Variants in GLI3 observed in about 807,000 individuals in gnomAD.
GLI3 encodes the protein transcription activator GLI3.
A neutral mutation model predicts 100.8 loss-of-function variants in GLI3; 20 were observed. That is an observed-to-expected ratio of 0.20 (90% CI 0.14 to 0.29). The LOEUF (loss-of-function observed/expected upper bound fraction) is 0.29, where lower values mean the gene tolerates loss of function less well. GLI3 is among the 10% of genes least tolerant of loss of function. The pLI is 1.00. For missense variants in GLI3, 2,040 were observed against 2,128.5 expected (o/e 0.96, Z 0.82); for synonymous variants, 938 against 860.5 (o/e 1.09, Z -1.58).
At chr7:42,240,336 T>C (rs1788911981), upstream of GLI3, among the ~76,000 whole-genome samples, 1 of 152,218 alleles carries the variant, frequency 6.6e-6, no homozygotes, top group South Asian at 2.1e-4. Flanking sequence ...TAGGAGATAC[T>C]TGAAGATACT....
chr7:42,026,226 G>C lies in GLI3; in HGVS notation c.1215C>G (p.Val405=). Residue 405 remains valine (V), a synonymous_variant, in exon 8 of 15, where the codon GTC becomes GTG. Transcript: ENST00000395925. The part of the protein sequence containing the change: ...GIPTVLNPVQ[V]SSGPSESSQN... ...GTGAGGACTCAGAAGGGCCGGAGCT[G>C]ACCTGGACGGGGTTCAGAACCGTAG... 5 of 1,613,586 alleles carry C rather than the reference G, an allele frequency of 3.1e-6. No individual in the cohort carries two copies. Among genetic ancestry groups the C allele is most frequent in the Non-Finnish European group, 4.2e-6 (5 of 1,179,738 alleles).
intron 1 of GLI3, among the ~76,000 whole-genome samples, chr7:42,232,947 G>A (rs1370313557): frequency 1.3e-5 from 2 of 152,124 alleles, no homozygotes; most frequent in African/African-American, 2.4e-5. Context: ...GAGTAGTGAA[G>A]AAATTTGGCA....
chr7:42,009,118 T>C (rs1408840578), intron 10 of GLI3, among the ~76,000 whole-genome samples: 1 of 152,190 alleles, frequency 6.6e-6, no homozygotes, highest in African/African-American at 2.4e-5. Context: ...ACCCAACAAC[T>C]ACATCTCCTA....
At chr7:42,117,146 T>C (rs961340493) in intron 3 of GLI3, among the ~76,000 whole-genome samples, 4 of 152,194 alleles carry the variant, frequency 2.6e-5, no homozygotes, top group Non-Finnish European at 5.9e-5. Flanking sequence ...CAAAAATTAC[T>C]ATGTCAAGGA....
At chr7:42,129,710 C>T (rs901480132) in intron 3 of GLI3, among the ~76,000 whole-genome samples, 1 of 152,096 alleles carries the variant, frequency 6.6e-6, no homozygotes, top group African/African-American at 2.4e-5. Flanking sequence ...ACTAGGGAGG[C>T]TGAGGCAGAG....
rs1440361876 is a variant in GLI3, at chr7:41,964,610, G to T, written c.4463C>A (p.Thr1488Lys). Residue 1488 changes from threonine to lysine, a missense_variant, in exon 15 of 15, where the codon ACA becomes AAA. Coordinates refer to ENST00000395925, the MANE Select transcript of GLI3 (RefSeq NM_000168.6). ...ELLSPGANQV[T>K]STVDSLDSHD... ...GCTGTCGAGGCTGTCCACTGTGCTT[G>T]TCACCTGATTAGCACCTGGGGAAAG... 6.2e-7 allele frequency: 1 copy of T among 1,613,740 alleles called. No individual in the cohort carries two copies. Among genetic ancestry groups the T allele is most frequent in the Non-Finnish European group, 8.5e-7 (1 of 1,179,576 alleles).
chr7:42,231,918 G>C (rs1164289548), intron 1 of GLI3, among the ~76,000 whole-genome samples: 1 of 151,144 alleles, frequency 6.6e-6, no homozygotes, highest in Non-Finnish European at 1.5e-5. Flanking sequence ...AAAAGTTAAA[G>C]TAGCAAAAGT....
At chr7:42,189,408 A>G (rs1018834320) in intron 2 of GLI3, among the ~76,000 whole-genome samples, 2 of 152,230 alleles carry the variant, frequency 1.3e-5, no homozygotes, top group African/African-American at 4.8e-5. Context: ...AAGGTGAATG[A>G]CTTCATCAAT....
chr7:41,969,119 G>A (rs867214165), intron 13 of GLI3, among the ~76,000 whole-genome samples: 1 of 152,128 alleles, frequency 6.6e-6, no homozygotes, highest in African/African-American at 2.4e-5. Context: ...AAGTTCCAGC[G>A]GTGTCCTGGT....
intron 1 of GLI3, among the ~76,000 whole-genome samples, chr7:42,262,837 A>T (rs988593144): frequency 6.6e-6 from 1 of 152,140 alleles, no homozygotes; most frequent in Non-Finnish European, 1.5e-5. Context: ...ATTTATCTTT[A>T]TACCTAAGAG....
At chr7:42,118,643 G>A (rs984660487) in intron 3 of GLI3, among the ~76,000 whole-genome samples, 1 of 152,172 alleles carries the variant, frequency 6.6e-6, no homozygotes, top group African/African-American at 2.4e-5. Flanking sequence ...ATGTGAAGCT[G>A]TCAAATTCAG....
At chr7:42,121,126 T>C (rs556722623) in intron 3 of GLI3, among the ~76,000 whole-genome samples, 3 of 152,328 alleles carry the variant, frequency 2.0e-5, no homozygotes, top group South Asian at 4.1e-4. Context: ...CCTCTTCGAC[T>C]TGAATCACAC....
At chr7:42,067,655 C>G (rs557033621) in intron 4 of GLI3, among the ~76,000 whole-genome samples, 129 of 152,282 alleles carry the variant, frequency 8.5e-4, no homozygotes, top group African/African-American at 3.0e-3. Context: ...GTTAACCTAA[C>G]TCCCTTAGGC....
chr7:42,004,913 G>A lies in GLI3; in HGVS notation c.1497+18555C>T, dbSNP rs532762519. On this transcript the variant is annotated intron_variant, in intron 10 of 14. Coordinates refer to ENST00000395925, the MANE Select transcript of GLI3 (RefSeq NM_000168.6). ...TTCATCTGTTTAACTCAGTTATTTG[G>A]TTTTAAAAATTATATCTGAAAGGAA... is the stretch of plus-strand genomic sequence containing the variant. Among the ~76,000 whole-genome samples, 8 of 152,194 alleles carry A rather than the reference G, an allele frequency of 5.3e-5. No individual in the cohort carries two copies. The South Asian group carries it at 1.5e-3, about 28-fold the overall frequency.
Position 42,065,203 on chromosome 7 carries a change from T to G in GLI3, c.473+11549A>C, listed in dbSNP as rs1190239884. ...ATATTTTATTTATAATTTATTAAAA[T>G]TATTATTTTAATATTAATTAAATAT... On this transcript the variant is annotated intron_variant, in intron 4 of 14. Transcript: ENST00000395925. Among the ~76,000 whole-genome samples, 8 of 148,394 alleles carry G rather than the reference T, an allele frequency of 5.4e-5. No individual in the cohort carries two copies. The East Asian group carries it at 1.6e-3, about 29-fold the overall frequency.
intron 10 of GLI3, among the ~76,000 whole-genome samples, chr7:42,006,628 T>C (rs1788467584): frequency 6.6e-6 from 1 of 152,176 alleles, no homozygotes; most frequent in South Asian, 2.1e-4. Flanking sequence ...TGACAAGGAC[T>C]ACAACTCCTA....
intron 1 of GLI3, among the ~76,000 whole-genome samples, chr7:42,228,525 T>C (rs1311640263): frequency 6.6e-6 from 1 of 152,064 alleles, no homozygotes; most frequent in Non-Finnish European, 1.5e-5. Flanking sequence ...ATTTGCAAAC[T>C]CTACAGTTGG....
At chr7:42,234,263 C>T (rs892226936) in intron 1 of GLI3, among the ~76,000 whole-genome samples, 10 of 152,020 alleles carry the variant, frequency 6.6e-5, no homozygotes, top group African/African-American at 2.2e-4. Context: ...TTCATAAGCT[C>T]CCAAACTCTA....
chr7:42,156,165 A>T (rs2128791045), intron 2 of GLI3, among the ~76,000 whole-genome samples: 1 of 152,344 alleles, frequency 6.6e-6, no homozygotes, highest in South Asian at 2.1e-4. Context: ...AAATATAAAC[A>T]AAACAGTACC....
Sources: gnomAD v4.1 joint callset for allele counts (sites outside exome capture counted in the v4.1 genomes callset) on GRCh38, gnomAD v4.1.1 for gene constraint, MANE v1.5 for transcripts, NCBI Gene and HGNC (gene_info 2026-07-23, HGNC 2026-07-21) for gene names.